STAU1: variants seen among roughly 807,000 people sequenced by gnomAD.
STAU1 encodes staufen double-stranded RNA binding protein 1.
STAU1 carries 13 observed loss-of-function variants against 62.9 expected under a neutral mutation model. That is an observed-to-expected ratio of 0.21 (90% CI 0.13 to 0.33). The LOEUF is 0.33. Ranked by LOEUF, STAU1 falls within the 10% of genes least tolerant of loss-of-function variation. The pLI, the probability that STAU1 is intolerant of heterozygous loss-of-function variation, is 1.00. For missense variants in STAU1, 571 were observed against 712.1 expected (o/e 0.80, Z 2.25); for synonymous variants, 269 against 265.1 (o/e 1.01, Z -0.14).
Position 49,117,344 on chromosome 20 carries a change from CTCT to C in STAU1, c.1510-99_1510-97del. The C allele has an allele frequency of 6.8e-7, 1 of 1,476,238 alleles. No homozygotes were observed. The highest frequency in any genetic ancestry group is 1.3e-5 in the South Asian group (1 of 78,950). The allele number at this position is 1,476,238 out of a possible 1,614,324, so 91.4% of individuals were successfully genotyped here. ...CAGGCCCCACAAGCAAGATCACCAG[CTCT>C]TTTTTCCAACTCAGCCCCACTGTGG... On this transcript the variant is annotated intron_variant, in intron 11 of 13. Transcript: ENST00000371856. This position sits in a 1 kb window ranked among gnomAD's most constrained non-coding sequence, Gnocchi z 4.6.
chr20:49,217,237 G>T, the STAU1 span, among the ~76,000 whole-genome samples: 2 of 152,006 alleles, frequency 1.3e-5, no homozygotes, highest in Non-Finnish European at 2.9e-5. Flanking sequence ...ATGCGAAATA[G>T]AACAAGACCC....
intron 5 of STAU1, among the ~76,000 whole-genome samples, chr20:49,150,598 T>C (rs984640242): frequency 4.6e-5 from 7 of 152,126 alleles, no homozygotes; most frequent in Admixed American, 3.3e-4. Flanking sequence ...CCTGACCTCA[T>C]GATCCACCCG....
rs1370792421 is a variant in STAU1 at position 49,188,293 on chromosome 20, G to C, written c.-337C>G. ...GGGGGGAGGCGGTCAAAGGAAGCGG[G>C]AGCCGAGAGAGACGCGGCAGCCGCC... is the stretch of plus-strand genomic sequence containing the variant. On this transcript the variant is annotated 5_prime_UTR_variant, in exon 1 of 14. Coordinates refer to ENST00000371856, the MANE Select transcript of STAU1 (RefSeq NM_017453.4). 2 of 152,052 alleles carry C rather than the reference G, an allele frequency of 1.3e-5. No individual in the cohort carries two copies. The highest frequency in any genetic ancestry group is 2.4e-5 in the African/African-American group (1 of 41,390). 9.4% of individuals were successfully genotyped at this position (152,052 alleles called of 1,614,324 possible).
At chr20:49,164,526 A>G (rs1250631621) in intron 3 of STAU1, among the ~76,000 whole-genome samples, 1 of 151,830 alleles carries the variant, frequency 6.6e-6, no homozygotes, top group Non-Finnish European at 1.5e-5. Flanking sequence ...CCTGGGCTCA[A>G]GCAATCTCCC....
chr20:49,171,086 T>C (rs2093590847), intron 2 of STAU1, among the ~76,000 whole-genome samples: 1 of 152,246 alleles, frequency 6.6e-6, no homozygotes, highest in Non-Finnish European at 1.5e-5. Context: ...GTTAAACTCT[T>C]CCTCAAAGAC....
chr20:49,140,047 G>T (rs1253867492), intron 5 of STAU1, among the ~76,000 whole-genome samples: 1 of 151,790 alleles, frequency 6.6e-6, no homozygotes, highest in South Asian at 2.1e-4. Flanking sequence ...TTAGCTGAGC[G>T]TGGTGACGCG....
At chr20:49,165,293 T>C (rs1462726037) in intron 3 of STAU1, among the ~76,000 whole-genome samples, 8 of 151,792 alleles carry the variant, frequency 5.3e-5, no homozygotes, top group South Asian at 2.1e-4. Flanking sequence ...TCTGCCCGCC[T>C]TGGCCTCCCA....
intron 6 of STAU1, among the ~76,000 whole-genome samples, chr20:49,127,658 A>AT (rs2092659312): frequency 6.6e-6 from 1 of 152,122 alleles, no homozygotes; most frequent in Non-Finnish European, 1.5e-5. Context: ...GTGAGCTGAG[A>AT]TCGCGCCATT....
At chr20:49,125,109 G>A (rs1297654332) in intron 6 of STAU1, among the ~76,000 whole-genome samples, 2 of 126,874 alleles carry the variant, frequency 1.6e-5, no homozygotes, top group African/African-American at 5.8e-5. Context: ...AAGAGTATAT[G>A]GTATGGTAGC....
At chr20:49,202,393 C>T in the STAU1 span, among the ~76,000 whole-genome samples, 5 of 151,440 alleles carry the variant, frequency 3.3e-5, 1 homozygote, top group South Asian at 1.0e-3. Flanking sequence ...AAAACTCGAT[C>T]TCTACTTAAA....
In STAU1 at chr20:49,133,908, C is replaced by T. The variant is rs111599273; in HGVS notation, c.609+1925G>A. Among the ~76,000 whole-genome samples the T allele has an allele frequency of 1.4e-3, 206 of 152,262 alleles. 3 individuals carry two copies. Among genetic ancestry groups the T allele is most frequent in the Middle Eastern group, 6.8e-3 (2 of 294 alleles). The stretch of plus-strand genomic sequence containing the variant: ...GGTGAGGTGAGAAATCATCATCACT[C>T]GGCCAAAGGATGGAGCACTGAAGCT... On this transcript the variant is annotated intron_variant, in intron 6 of 13. Transcript: ENST00000371856.
At chr20:49,161,005 A>G (rs918408021) in intron 3 of STAU1, among the ~76,000 whole-genome samples, 1 of 152,080 alleles carries the variant, frequency 6.6e-6, no homozygotes, top group Non-Finnish European at 1.5e-5. Context: ...CCAAACAACC[A>G]TACACTATTT....
At chr20:49,180,539 G>C (rs1180191704) in intron 1 of STAU1, among the ~76,000 whole-genome samples, 1 of 152,194 alleles carries the variant, frequency 6.6e-6, no homozygotes, top group Admixed American at 6.5e-5. Flanking sequence ...GGCCAGGCTG[G>C]TCTCGAACTC....
chr20:49,115,721 C>A, intron 13 of STAU1, 61 bp downstream of exon 13: 1 of 1,432,498 alleles, frequency 7.0e-7, no homozygotes, highest in South Asian at 1.1e-5. Flanking sequence ...AGTGTAAACT[C>A]AACACAAACG....
chr20:49,170,957 G>A (rs1478871634), intron 2 of STAU1, among the ~76,000 whole-genome samples: 1 of 152,128 alleles, frequency 6.6e-6, no homozygotes, highest in East Asian at 1.9e-4. Context: ...CTGTTATAAA[G>A]CAATAGCAAT....
chr20:49,143,393 A>G (rs967378382), intron 5 of STAU1, among the ~76,000 whole-genome samples: 2 of 152,112 alleles, frequency 1.3e-5, no homozygotes, highest in African/African-American at 4.8e-5. Context: ...GGAGTTCAAA[A>G]CCAGCCTGGG....
intron 4 of STAU1, among the ~76,000 whole-genome samples, chr20:49,153,612 G>A (rs2093299063): frequency 6.8e-6 from 1 of 147,172 alleles, no homozygotes; most frequent in African/African-American, 2.5e-5. Context: ...TCGGGAGGCT[G>A]AGACAGCCTC....
chr20:49,125,474 G>GATCCAAGATC (rs1439758559), intron 6 of STAU1, among the ~76,000 whole-genome samples: 1 of 139,700 alleles, frequency 7.2e-6, no homozygotes, highest in South Asian at 2.3e-4. Context: ...AGGTTGCAGT[G>GATCCAAGATC]ATCCAAGATC....
intron 6 of STAU1, among the ~76,000 whole-genome samples, chr20:49,124,914 C>T (rs936302831): frequency 6.6e-6 from 1 of 151,772 alleles, no homozygotes; most frequent in African/African-American, 2.4e-5. Flanking sequence ...CCAGCAAAGT[C>T]CAGAAATAAA....
Sources: allele counts gnomAD v4.1 joint callset (sites outside exome capture counted in the v4.1 genomes callset), GRCh38; gene constraint gnomAD v4.1.1; non-coding constraint Gnocchi (gnomAD v3.1); transcripts MANE v1.5; gene names NCBI Gene and HGNC (gene_info 2026-07-23, HGNC 2026-07-21).